CRLS1: variants seen among roughly 807,000 people sequenced by gnomAD.
CRLS1 encodes the protein cardiolipin synthase (CMP-forming).
CRLS1 carries 24 observed loss-of-function variants against 37.0 expected under a neutral mutation model. The ratio of observed to expected loss-of-function variants is 0.65; its 90% confidence interval spans 0.47 to 0.91. The LOEUF (loss-of-function observed/expected upper bound fraction) is 0.91. CRLS1 is among the 40% of genes least tolerant of loss of function. The probability of loss-of-function intolerance (pLI) is 0.00; values close to 1 mark genes in which losing one functional copy is unlikely to be tolerated. For missense variants in CRLS1, 373 were observed against 395.8 expected, an observed-to-expected ratio of 0.94 and a Z score of 0.49; for synonymous variants, 135 against 159.7, an observed-to-expected ratio of 0.85 and a Z score of 1.17.
intron 2 of CRLS1, among the ~76,000 whole-genome samples, chr20:6,014,663 G>A (rs1978602188): frequency 6.6e-6 from 1 of 152,082 alleles, no homozygotes; most frequent in Non-Finnish European, 1.5e-5. Flanking sequence ...GGGAAGAATT[G>A]AATACTTACA....
At position 6,037,206 on chromosome 20, in the gene CRLS1, G is replaced by A; in HGVS notation, c.*48G>A. 7.3e-7 allele frequency: 1 copy of A among 1,362,012 alleles called. No individual in the cohort carries two copies. Among genetic ancestry groups the A allele is most frequent in the Non-Finnish European group, 1.0e-6 (1 of 962,672 alleles). 84.4% of individuals were successfully genotyped at this position (1,362,012 alleles called of 1,614,324 possible). A position where few individuals can be genotyped will look rare whatever the true frequency, so the allele number is the denominator to read the frequency against. ...GTAAGGAAGCAGTATACATCAATGG[G>A]AACAGGGCCCATGGAAATGTACAGG... is the stretch of plus-strand genomic sequence containing the variant. On this transcript the variant is annotated 3_prime_UTR_variant, in exon 7 of 7. Transcript: ENST00000378863.
intron 3 of CRLS1, among the ~76,000 whole-genome samples, chr20:6,023,816 C>G (rs1160144286): frequency 6.6e-6 from 1 of 151,630 alleles, no homozygotes; most frequent in African/African-American, 2.4e-5. Flanking sequence ...CATGCACATA[C>G]CTCATTTTTA....
At chr20:6,010,864 A>C (rs1035281573) in intron 2 of CRLS1, among the ~76,000 whole-genome samples, 6 of 152,158 alleles carry the variant, frequency 3.9e-5, no homozygotes, top group African/African-American at 9.7e-5. Context: ...AAAAAATTTA[A>C]AAATTAGCTG....
chr20:6,034,606 G>T, intron 6 of CRLS1, 51 bp downstream of exon 6: 1 of 1,293,892 alleles, frequency 7.7e-7, no homozygotes, highest in South Asian at 1.2e-5. Flanking sequence ...AATGACTTAT[G>T]GTGATAGCCC....
intron 6 of CRLS1, among the ~76,000 whole-genome samples, chr20:6,035,812 T>TTA (rs1980506035): frequency 6.6e-6 from 1 of 151,162 alleles, no homozygotes; most frequent in African/African-American, 2.4e-5. Context: ...TTAATTAATT[T>TTA]ATTTATTTTT....
chr20:6,010,008 G>C, intron 2 of CRLS1, 96 bp downstream of exon 2: 6 of 1,193,912 alleles, frequency 5.0e-6, no homozygotes, highest in Non-Finnish European at 6.8e-6. Context: ...TTTTCCTTGG[G>C]AGGAAAACCT....
intron 6 of CRLS1, among the ~76,000 whole-genome samples, chr20:6,036,542 A>G (rs989462799): frequency 3.9e-5 from 6 of 152,242 alleles, no homozygotes; most frequent in Admixed American, 2.0e-4. Context: ...CAAAAGCTGC[A>G]GGAAATAAGA....
chr20:6,012,161 A>C lies in CRLS1; in HGVS notation c.444+2249A>C, dbSNP rs181475863. On this transcript the variant is annotated intron_variant, in intron 2 of 6. Transcript: ENST00000378863. ...CCTAAGTTAACTGGTGCCACATTTCACATTTGTTCCATGGAGATTTTAGTG... is the reference window on the plus strand; with the variant it reads ...CCTAAGTTAACTGGTGCCACATTTCCCATTTGTTCCATGGAGATTTTAGTG... 3.1e-3 allele frequency among the ~76,000 whole-genome samples: 465 copies of C among 152,266 alleles called. 2 individuals carry two copies. The highest frequency in any genetic ancestry group is 9.9e-3 in the African/African-American group (410 of 41,534).
At chr20:6,019,718 G>A (rs1302949287) in intron 3 of CRLS1, among the ~76,000 whole-genome samples, 1 of 138,422 alleles carries the variant, frequency 7.2e-6, no homozygotes, top group Non-Finnish European at 1.5e-5. Context: ...TTTGAGTGCA[G>A]TGGCATGATC....
In CRLS1 at chr20:6,006,217, C is replaced by T; in HGVS notation, c.-30C>T. ...GTCCCAGGCTGCTGAGCTCTCGCCG[C>T]CCGAGACCCCGCGGCGCGGCCGCAG... On this transcript the variant is annotated 5_prime_UTR_variant, in exon 1 of 7. Transcript: ENST00000378863. 1 of 1,202,294 alleles carries T rather than the reference C, an allele frequency of 8.3e-7. No homozygotes were observed. Among genetic ancestry groups the T allele is most frequent in the Non-Finnish European group, 1.0e-6 (1 of 964,440 alleles). 74.5% of individuals were successfully genotyped at this position (1,202,294 alleles called of 1,614,324 possible). A position where few individuals can be genotyped will look rare whatever the true frequency, so the allele number is the denominator to read the frequency against.
intron 3 of CRLS1, among the ~76,000 whole-genome samples, chr20:6,018,469 A>C (rs6117036): frequency 0.085 from 12,940 of 152,160 alleles, 870 homozygotes; most frequent in African/African-American, 0.19. Flanking sequence ...TGAGTAGTAC[A>C]GTGTTGGCAA....
At chr20:6,027,234 C>T (rs1015153465) in intron 3 of CRLS1, among the ~76,000 whole-genome samples, 1 of 151,952 alleles carries the variant, frequency 6.6e-6, no homozygotes, top group Non-Finnish European at 1.5e-5. Flanking sequence ...CAGCCACCCA[C>T]CACCATGCCT....
chr20:6,011,806 G>A (rs1396357290), intron 2 of CRLS1, among the ~76,000 whole-genome samples: 9 of 150,920 alleles, frequency 6.0e-5, no homozygotes, highest in South Asian at 2.1e-4. Flanking sequence ...GGCTGGTCTC[G>A]AGCTCCTGAC....
chr20:6,026,413 GCA>G (rs974967640), intron 3 of CRLS1, among the ~76,000 whole-genome samples: 36 of 151,896 alleles, frequency 2.4e-4, no homozygotes, highest in Non-Finnish European at 4.7e-4. Context: ...ACTTTCATAT[GCA>G]CTGGGAAACT....
chr20:6,016,674 G>C (rs1303397714), intron 3 of CRLS1, among the ~76,000 whole-genome samples: 1 of 152,136 alleles, frequency 6.6e-6, no homozygotes, highest in Admixed American at 6.5e-5. Flanking sequence ...TTGTTTCCAG[G>C]TTTTTTGGAA....
At chr20:6,035,642 G>C (rs1980488899) in intron 6 of CRLS1, among the ~76,000 whole-genome samples, 1 of 151,742 alleles carries the variant, frequency 6.6e-6, no homozygotes, top group South Asian at 2.1e-4. Context: ...TTTTTTTGGA[G>C]ACAGGGTCTT....
At chr20:6,033,154 A>G (rs1400777654) in intron 5 of CRLS1, among the ~76,000 whole-genome samples, 2 of 150,040 alleles carry the variant, frequency 1.3e-5, no homozygotes, top group Non-Finnish European at 3.0e-5. Flanking sequence ...TTATAGATGA[A>G]TTTTTGCTCT....
intron 1 of CRLS1, among the ~76,000 whole-genome samples, chr20:6,008,613 G>T (rs531339330): frequency 1.3e-5 from 2 of 152,264 alleles, no homozygotes; most frequent in South Asian, 4.1e-4. Flanking sequence ...TGACTGTTTT[G>T]AACAAATTTA....
intron 1 of CRLS1, among the ~76,000 whole-genome samples, chr20:6,008,580 A>G (rs561000474): frequency 6.6e-4 from 100 of 152,354 alleles, no homozygotes; most frequent in African/African-American, 2.4e-3. Context: ...CTTGGTTTTT[A>G]GTTGAGGATC....
Sources: allele counts gnomAD v4.1 joint callset (sites outside exome capture counted in the v4.1 genomes callset), GRCh38; gene constraint gnomAD v4.1.1; transcripts MANE v1.5; gene names NCBI Gene and HGNC (gene_info 2026-07-23, HGNC 2026-07-21).